Variants in SPTBN4 observed in about 807,000 individuals in gnomAD.
SPTBN4 encodes spectrin beta chain, non-erythrocytic 4.
In SPTBN4, 96 loss-of-function variants were observed where a neutral mutation model predicts 277.8. That is an observed-to-expected ratio of 0.35 (90% confidence interval 0.29 to 0.41). The LOEUF is 0.41. Among genes scored for constraint, SPTBN4 ranks in the 10% least tolerant of loss-of-function variants. The pLI is 1.00. For synonymous variants in SPTBN4, 1,481 were observed against 1,580.3 expected (o/e 0.94, Z 1.49); for missense variants, 3,006 against 3,595.7 (o/e 0.84, Z 4.19).
In SPTBN4 at chr19:40,568,296, C is replaced by A. The variant is rs767062326; in HGVS notation, c.6956+14C>A. 1 of 1,588,440 alleles carries A rather than the reference C, an allele frequency of 6.3e-7. No individual in the cohort carries two copies. The highest frequency in any genetic ancestry group is 2.3e-5 in the East Asian group (1 of 43,782). On this transcript the variant is annotated intron_variant, in intron 31 of 35. Coordinates refer to ENST00000598249, the MANE Select transcript of SPTBN4 (RefSeq NM_020971.3). ...CCTGGTCAAGGGGTGAGGTGCCCGCCTTATGACCAGAAAGTGAGGGGAGGG... is the reference window on the plus strand; with the variant it reads ...CCTGGTCAAGGGGTGAGGTGCCCGCATTATGACCAGAAAGTGAGGGGAGGG...
At chr19:40,521,123 C>T (rs540737817) in intron 16 of SPTBN4, among the ~76,000 whole-genome samples, 3 of 152,156 alleles carry the variant, frequency 2.0e-5, no homozygotes, top group Non-Finnish European at 4.4e-5. Context: ...TGGGGTTTCA[C>T]CATGTTGGCC....
rs1432181366 is a variant in SPTBN4, at chr19:40,513,534, C to T, written c.2745C>T (p.Asp915=). The T allele has an allele frequency of 6.3e-7, 1 of 1,584,114 alleles. No individual in the cohort carries two copies. The highest frequency in any genetic ancestry group is 8.5e-7 in the Non-Finnish European group (1 of 1,170,348). The change falls in exon 14 of 36, where the codon GAC becomes GAT. Residue 915 remains aspartate, a synonymous_variant. Transcript: ENST00000598249. Reference sequence around the variant, plus strand: ...TGCGTGTGCCGGATTCACTCGACGACGTCGAGGTGGTGCAGCACCGGTGAG... The same window carrying T: ...TGCGTGTGCCGGATTCACTCGACGATGTCGAGGTGGTGCAGCACCGGTGAG... ...LSMRVPDSLD[D]VEVVQHRFES... is the part of the protein sequence containing the mutation.
At chr19:40,488,734 T>C (rs1157952131) in intron 3 of SPTBN4, among the ~76,000 whole-genome samples, 2 of 152,148 alleles carry the variant, frequency 1.3e-5, no homozygotes, top group Admixed American at 6.5e-5. Flanking sequence ...CGCTTGAGCC[T>C]GGGAGGTCGA....
chr19:40,486,336 G>A (rs1255429659), intron 2 of SPTBN4, among the ~76,000 whole-genome samples: 4 of 152,020 alleles, frequency 2.6e-5, no homozygotes, highest in Non-Finnish European at 5.9e-5. Context: ...GTGTTGGCAA[G>A]GATTTGGAGT....
At chr19:40,564,241 C>G (rs2081071286) in intron 27 of SPTBN4, among the ~76,000 whole-genome samples, 1 of 152,188 alleles carries the variant, frequency 6.6e-6, no homozygotes, top group South Asian at 2.1e-4. Flanking sequence ...CCTGTAATCC[C>G]AGCTACTCAG....
chr19:40,542,185 G>T (rs571950949), intron 20 of SPTBN4, among the ~76,000 whole-genome samples: 8 of 152,256 alleles, frequency 5.3e-5, no homozygotes, highest in African/African-American at 1.7e-4. Context: ...GCCTCCCAAA[G>T]TTCTGGGATT....
At chr19:40,529,215 C>A in intron 18 of SPTBN4, 84 bp downstream of exon 18, 1 of 1,326,902 alleles carries the variant, frequency 7.5e-7, no homozygotes. Flanking sequence ...GGGGTGGGGA[C>A]GCCCCGTCTA....
Position 40,554,139 on chromosome 19 carries a change from GC to G in SPTBN4, c.4675-3del, listed in dbSNP as rs1237517964. On this transcript the variant is annotated splice_region_variant and splice_polypyrimidine_tract_variant and intron_variant, in intron 22 of 35. Coordinates refer to ENST00000598249, the MANE Select transcript of SPTBN4 (RefSeq NM_020971.3). The surrounding 1 kb of genome is among the most constrained non-coding windows in gnomAD (Gnocchi z 5.7). ...CTCCACCCACATCCCCTTACCTCCT[GC>G]CCCCAGGGCCTGCGGCGGGAGATCC... 5 of 1,437,530 alleles carry G rather than the reference GC, an allele frequency of 3.5e-6. No homozygotes were observed. The highest frequency in any genetic ancestry group is 3.6e-6 in the Non-Finnish European group (4 of 1,111,434). 89.0% of individuals were successfully genotyped at this position (1,437,530 alleles called of 1,614,324 possible).
chr19:40,513,902 C>G (rs2080424691), intron 14 of SPTBN4, among the ~76,000 whole-genome samples: 1 of 151,800 alleles, frequency 6.6e-6, no homozygotes, highest in Admixed American at 6.5e-5. Context: ...AATCAACGAC[C>G]TATGCTTCTA....
At chr19:40,477,773 G>A (rs1318720765) in intron 2 of SPTBN4, among the ~76,000 whole-genome samples, 2 of 152,186 alleles carry the variant, frequency 1.3e-5, no homozygotes, top group African/African-American at 4.8e-5. Flanking sequence ...CCAGAAGCTG[G>A]GAGTGGCTTG....
chr19:40,527,395 A>G lies in SPTBN4; in HGVS notation c.3858-1646A>G, dbSNP rs985088560. On this transcript the variant is annotated intron_variant, in intron 17 of 35. Coordinates refer to ENST00000598249, the MANE Select transcript of SPTBN4 (RefSeq NM_020971.3). Reference sequence around the variant, plus strand: ...TTTTCTAAGCATTGGGGACACATCTATGAACAAAACAGACAAAAATCCCTG... The same window carrying G: ...TTTTCTAAGCATTGGGGACACATCTGTGAACAAAACAGACAAAAATCCCTG... Among the ~76,000 whole-genome samples, 7 of 152,192 alleles carry G rather than the reference A, an allele frequency of 4.6e-5. No individual in the cohort carries two copies. In the East Asian group the frequency reaches 9.6e-4, roughly 21 times the overall value.
intron 35 of SPTBN4, among the ~76,000 whole-genome samples, chr19:40,573,061 C>T (rs914396356): frequency 2.0e-5 from 3 of 151,980 alleles, no homozygotes; most frequent in African/African-American, 7.3e-5. Flanking sequence ...GTAATCCCAG[C>T]ACTTTGGGAG....
At position 40,469,260 on chromosome 19, in the gene SPTBN4, C is replaced by CT. The variant is rs143149285; in HGVS notation, c.-16+1965dup. Among the ~76,000 whole-genome samples the CT allele has an allele frequency of 3.1e-3, 470 of 149,380 alleles. 4 individuals carry two copies. Among genetic ancestry groups the CT allele is most frequent in the Admixed American group, 0.015 (223 of 14,880 alleles). On this transcript the variant is annotated intron_variant, in intron 1 of 35. Coordinates refer to ENST00000598249, the MANE Select transcript of SPTBN4 (RefSeq NM_020971.3). Reference sequence around the variant, plus strand: ...TCTCCCAACTTCCTCCTTTGTTAGTCTTTTTTTTTTCCTTTTTCTTTTGAG... The same window carrying CT: ...TCTCCCAACTTCCTCCTTTGTTAGTCTTTTTTTTTTTCCTTTTTCTTTTGAG...
At chr19:40,509,666 G>A (rs2080369402) in intron 13 of SPTBN4, among the ~76,000 whole-genome samples, 1 of 152,238 alleles carries the variant, frequency 6.6e-6, no homozygotes. Flanking sequence ...GAGCTGATAA[G>A]AGGGTCTTGA....
chr19:40,520,278 G>A (rs1296873092), intron 16 of SPTBN4, 127 bp downstream of exon 16: 2 of 1,021,352 alleles, frequency 2.0e-6, no homozygotes, highest in East Asian at 3.2e-5. Flanking sequence ...AGGTGGGTGG[G>A]AGGTGAGAGA....
At chr19:40,568,399 T>C (rs564191737) in intron 31 of SPTBN4, 117 bp downstream of exon 31, 28 of 1,370,264 alleles carry the variant, frequency 2.0e-5, no homozygotes, top group East Asian at 2.6e-5. Context: ...GAAGGAGATA[T>C]CGCCGCGGTA....
chr19:40,493,347 C>A (rs1225450564), intron 5 of SPTBN4, among the ~76,000 whole-genome samples: 1 of 152,110 alleles, frequency 6.6e-6, no homozygotes, highest in Non-Finnish European at 1.5e-5. Flanking sequence ...CTCCTAGGTT[C>A]CAGTGATCCT....
intron 32 of SPTBN4, 54 bp from the exon 33 acceptor site, chr19:40,570,382 G>T: frequency 7.4e-7 from 1 of 1,348,210 alleles, no homozygotes; most frequent in South Asian, 1.4e-5. Flanking sequence ...CCAAACAGAT[G>T]ACCCCCACAC....
chr19:40,545,155 A>T (rs1302276280), intron 20 of SPTBN4, among the ~76,000 whole-genome samples: 2 of 151,894 alleles, frequency 1.3e-5, no homozygotes, highest in Non-Finnish European at 2.9e-5. Context: ...AATTGCAGCG[A>T]CGTGATCTCG....
Sources: gnomAD v4.1 joint callset for allele counts (sites outside exome capture counted in the v4.1 genomes callset) on GRCh38, gnomAD v4.1.1 for gene constraint, Gnocchi (gnomAD v3.1) non-coding constraint, MANE v1.5 for transcripts, NCBI Gene and HGNC (gene_info 2026-07-23, HGNC 2026-07-21) for gene names.